Variants in C1orf105 observed in about 807,000 individuals in gnomAD.
C1orf105 encodes uncharacterized protein C1orf105.
Under a neutral mutation model 20.8 loss-of-function variants are expected in C1orf105, and 17 were observed. The observed-to-expected ratio is 0.82, with a 90% confidence interval of 0.56 to 1.23. The LOEUF (loss-of-function observed/expected upper bound fraction) is 1.23, where lower values mean the gene tolerates loss of function less well. Among genes scored for constraint, C1orf105 ranks in the 50% most tolerant of loss-of-function variants. The pLI is 0.00. For synonymous variants in C1orf105, 72 were observed against 72.1 expected (o/e 1.00, Z 0.01); for missense variants, 219 against 213.5 (o/e 1.03, Z -0.16).
In C1orf105 at chr1:172,426,055, C is replaced by A. The variant is rs1039359156; in HGVS notation, c.21+5149C>A. On this transcript the variant is annotated intron_variant, in intron 1 of 6. Transcript: ENST00000367727. ...GTTCCTATTCTGTCTTCCCATCTCT[C>A]CCAAATTTCTGTAACCCTTCCACTG... Among the ~76,000 whole-genome samples the A allele has an allele frequency of 3.9e-5, 6 of 152,138 alleles. No individual in the cohort carries two copies. The South Asian group carries it at 1.0e-3, about 26-fold the overall frequency.
chr1:172,461,886 A>C (rs4916259), intron 4 of C1orf105, among the ~76,000 whole-genome samples: 4 of 152,098 alleles, frequency 2.6e-5, no homozygotes, highest in Non-Finnish European at 4.4e-5. Context: ...CTGTGATAAA[A>C]TGACAGTTAA....
At position 172,452,093 on chromosome 1, in the gene C1orf105, G is replaced by A. The variant is rs573889609; in HGVS notation, c.198+3562G>A. On this transcript the variant is annotated intron_variant, in intron 3 of 6. Coordinates refer to ENST00000367727, the MANE Select transcript of C1orf105 (RefSeq NM_139240.4). The stretch of plus-strand genomic sequence containing the variant: ...TCACCATGTTGGTCAGGCTGGTCTC[G>A]AACTCCTGACCTCATGATCCGCCTG... 1.6e-4 allele frequency among the ~76,000 whole-genome samples: 25 copies of A among 151,958 alleles called. No homozygotes were observed. In the East Asian group the frequency reaches 3.7e-3, roughly 22 times the overall value.
chr1:172,451,867 C>CTTTTTT lies in C1orf105; in HGVS notation c.198+3353_198+3358dup, dbSNP rs11462736. Among the ~76,000 whole-genome samples the CTTTTTT allele has an allele frequency of 1.3e-3, 108 of 85,180 alleles. 3 individuals are homozygous for CTTTTTT. The highest frequency in any genetic ancestry group is 1.8e-3 in the African/African-American group (37 of 20,870). 55.9% of individuals were successfully genotyped at this position (85,180 alleles called of 152,430 possible). A position where few individuals can be genotyped will look rare whatever the true frequency, so the allele number is the denominator to read the frequency against. ...AAATAATTCTGCCTTTATATGGATTCTTTTTTTTTTTTTTTTTTTTTTGAG... is the reference window on the plus strand; with the variant it reads ...AAATAATTCTGCCTTTATATGGATTCTTTTTTTTTTTTTTTTTTTTTTTTTTTTGAG... On this transcript the variant is annotated intron_variant, in intron 3 of 6. Coordinates refer to ENST00000367727, the MANE Select transcript of C1orf105 (RefSeq NM_139240.4).
At chr1:172,465,862 A>G (rs1043982233) in intron 6 of C1orf105, among the ~76,000 whole-genome samples, 1 of 152,204 alleles carries the variant, frequency 6.6e-6, no homozygotes, top group African/African-American at 2.4e-5. Flanking sequence ...AAGCAGCTCT[A>G]TTTCAGGCTT....
chr1:172,466,464 A>G (rs937331705), intron 6 of C1orf105, among the ~76,000 whole-genome samples: 3 of 152,142 alleles, frequency 2.0e-5, no homozygotes, highest in African/African-American at 7.2e-5. Context: ...CATGGGTGAT[A>G]GGCATGTGCA....
intron 5 of C1orf105, among the ~76,000 whole-genome samples, chr1:172,463,557 A>G (rs1202994457): frequency 6.6e-6 from 1 of 152,190 alleles, no homozygotes. Flanking sequence ...ATTTTTAAAG[A>G]GCTCTTATAT....
rs575967598 is a variant in C1orf105, at chr1:172,420,830, G to A, written c.-56G>A. On this transcript the variant is annotated 5_prime_UTR_variant, in exon 1 of 7. Transcript: ENST00000367727. ...TCTTCCACTGGCCACAGTGAGGGGAGCTAGGTTTCCCCAGTCTCCAGCTAG... is the reference window on the plus strand; with the variant it reads ...TCTTCCACTGGCCACAGTGAGGGGAACTAGGTTTCCCCAGTCTCCAGCTAG... The A allele has an allele frequency of 1.3e-6, 2 of 1,580,752 alleles. No individual in the cohort carries two copies. The highest frequency in any genetic ancestry group is 1.7e-6 in the Non-Finnish European group (2 of 1,150,844).
chr1:172,451,353 G>A (rs1233203622), intron 3 of C1orf105, among the ~76,000 whole-genome samples: 1 of 152,194 alleles, frequency 6.6e-6, no homozygotes, highest in Admixed American at 6.5e-5. Flanking sequence ...GCTTTTAGCA[G>A]ACCTGTGGCA....
chr1:172,421,311 G>C (rs1375661941), intron 1 of C1orf105, among the ~76,000 whole-genome samples: 1 of 152,042 alleles, frequency 6.6e-6, no homozygotes. Context: ...AGGAAGTTAA[G>C]ATTGCTGAGA....
chr1:172,462,443 G>T (rs2149192455), intron 5 of C1orf105, among the ~76,000 whole-genome samples, 198 bp downstream of exon 5: 1 of 152,264 alleles, frequency 6.6e-6, no homozygotes, highest in East Asian at 1.9e-4. Context: ...AACAACTACT[G>T]AAACTATTGT....
intron 4 of C1orf105, among the ~76,000 whole-genome samples, chr1:172,459,330 C>G (rs1298354318): frequency 6.6e-6 from 1 of 152,084 alleles, no homozygotes; most frequent in African/African-American, 2.4e-5. Flanking sequence ...ATAAGGAACA[C>G]TTAAAACTCA....
intron 6 of C1orf105, among the ~76,000 whole-genome samples, chr1:172,466,496 G>A (rs1423943390): frequency 2.6e-5 from 4 of 151,944 alleles, no homozygotes. Context: ...AGTTATCTGT[G>A]CCAGCCACAC....
At chr1:172,463,087 A>G (rs1649810569) in intron 5 of C1orf105, among the ~76,000 whole-genome samples, 2 of 152,066 alleles carry the variant, frequency 1.3e-5, no homozygotes, top group African/African-American at 4.8e-5. Context: ...TAGTTTTTCA[A>G]AGAGTTTTTT....
intron 1 of C1orf105, chr1:172,444,154 C>A (rs150619027): frequency 2.0e-6 from 2 of 988,098 alleles, no homozygotes; most frequent in Non-Finnish European, 2.4e-6. Context: ...ACTGCTGCCC[C>A]CTCCTGGCTG....
chr1:172,430,405 C>T (rs951126020), intron 1 of C1orf105: 31 of 629,920 alleles, frequency 4.9e-5, no homozygotes, highest in Non-Finnish European at 8.0e-5. Context: ...CTTAATAGAA[C>T]GTTTAATGAA....
At chr1:172,442,964 A>G (rs1041490451) in intron 1 of C1orf105, 2 of 212,884 alleles carry the variant, frequency 9.4e-6, no homozygotes, top group African/African-American at 4.7e-5. Context: ...GGACATTAAA[A>G]CTGCATTTCA....
At chr1:172,466,994 C>T (rs909219057) in intron 6 of C1orf105, among the ~76,000 whole-genome samples, 4 of 152,162 alleles carry the variant, frequency 2.6e-5, no homozygotes, top group Non-Finnish European at 5.9e-5. Flanking sequence ...GATGAGACCT[C>T]GGTAGGAATC....
At chr1:172,429,719 C>T (rs1395271192) in intron 1 of C1orf105, among the ~76,000 whole-genome samples, 1 of 152,174 alleles carries the variant, frequency 6.6e-6, no homozygotes, top group Non-Finnish European at 1.5e-5. Context: ...AGTTTACTGA[C>T]ACCAATACAA....
At chr1:172,453,170 CAG>C (rs749033050) in intron 3 of C1orf105, 4 of 1,551,070 alleles carry the variant, frequency 2.6e-6, no homozygotes, top group Non-Finnish European at 3.5e-6. Flanking sequence ...GGCCAGGCTT[CAG>C]CTGATAGCAA....
Sources: gnomAD v4.1 joint callset for allele counts (sites outside exome capture counted in the v4.1 genomes callset) on GRCh38, gnomAD v4.1.1 for gene constraint, MANE v1.5 for transcripts, NCBI Gene and HGNC (gene_info 2026-07-23, HGNC 2026-07-21) for gene names.